Variants in C4orf33 observed in about 807,000 individuals in gnomAD.
C4orf33 encodes chromosome 4 open reading frame 33.
In C4orf33, 20 loss-of-function variants were observed where a neutral mutation model predicts 24.3. The observed-to-expected ratio is 0.82, with a 90% CI of 0.58 to 1.19. The LOEUF (loss-of-function observed/expected upper bound fraction) is 1.19. Ranked by LOEUF, C4orf33 falls within the 50% of genes most tolerant of loss-of-function variation. The pLI, the probability that C4orf33 is intolerant of heterozygous loss-of-function variation, is 0.00. For synonymous variants in C4orf33, 67 were observed against 76.4 expected, an observed-to-expected ratio of 0.88 and a Z score of 0.64; for missense variants, 207 against 225.9, an observed-to-expected ratio of 0.92 and a Z score of 0.54.
At position 129,115,816 on chromosome 4, in the gene C4orf33, A is replaced by ATATATATAATATATATGTTTATATAT. The variant is rs1235269867; in HGVS notation, c.*4033_*4034insATATATATGTTTATATATTATATATA. On this transcript the variant is annotated 3_prime_UTR_variant, in exon 6 of 6. Coordinates refer to ENST00000425929, the MANE Select transcript of C4orf33 (RefSeq NM_001099783.2). Reference sequence around the variant, plus strand: ...CTTCTAACTAAATATATATATATATATATATATATATATAAAATATATATG... The same window carrying ATATATATAATATATATGTTTATATAT: ...CTTCTAACTAAATATATATATATATATATATATAATATATATGTTTATATATTATATATATATATAAAATATATATG... 6.3e-4 allele frequency: 80 copies of ATATATATAATATATATGTTTATATAT among 127,956 alleles called. No individual in the cohort carries two copies. The highest frequency in any genetic ancestry group is 2.2e-3 in the African/African-American group (76 of 34,680). 7.9% of individuals were successfully genotyped at this position (127,956 alleles called of 1,614,324 possible).
chr4:129,103,114 GGT>G (rs1753412290), intron 2 of C4orf33: 1 of 168,676 alleles, frequency 5.9e-6, no homozygotes, highest in Non-Finnish European at 1.3e-5. Context: ...CCACGTCCTG[GGT>G]TCATGCCATT....
chr4:129,107,580 G>A (rs149154776), intron 3 of C4orf33, among the ~76,000 whole-genome samples: 97 of 151,948 alleles, frequency 6.4e-4, no homozygotes, highest in African/African-American at 2.2e-3. Flanking sequence ...ATGTAGAAAA[G>A]TCTAGCTGTT....
rs1561095026 is a variant in C4orf33 at position 129,115,823 on chromosome 4, T to TAATATATATATGTTTATATATAAC, written c.*4033_*4034insATATATATATGTTTATATATAACA. ...CTAAATATATATATATATATATATA[T>TAATATATATATGTTTATATATAAC]ATATATAAAATATATATGTTTATAT... On this transcript the variant is annotated 3_prime_UTR_variant, in exon 6 of 6. Transcript: ENST00000425929. 1.1e-5 allele frequency: 1 copy of TAATATATATATGTTTATATATAAC among 89,084 alleles called. No individual in the cohort carries two copies. Among genetic ancestry groups the TAATATATATATGTTTATATATAAC allele is most frequent in the African/African-American group, 4.1e-5 (1 of 24,140 alleles). 5.5% of individuals were successfully genotyped at this position (89,084 alleles called of 1,614,324 possible).
chr4:129,100,157 C>A (rs1245878613), intron 1 of C4orf33, among the ~76,000 whole-genome samples: 2 of 152,104 alleles, frequency 1.3e-5, no homozygotes, highest in Non-Finnish European at 2.9e-5. Flanking sequence ...TAATTCTTAA[C>A]AATGGTAACT....
chr4:129,095,425 G>T (rs1223018946), upstream of C4orf33, among the ~76,000 whole-genome samples: 2 of 152,160 alleles, frequency 1.3e-5, no homozygotes. Flanking sequence ...AGGAATGAAA[G>T]AATTCAGTGG....
upstream of C4orf33, among the ~76,000 whole-genome samples, chr4:129,095,617 T>C (rs2125796920): frequency 6.6e-6 from 1 of 152,288 alleles, no homozygotes; most frequent in South Asian, 2.1e-4. Context: ...CTAACATTCA[T>C]TTGGTTGATC....
rs1033446074 is a variant in C4orf33, at chr4:129,102,527, A to C, written c.-9-75A>C. 2.5e-6 allele frequency: 3 copies of C among 1,189,868 alleles called. No homozygotes were observed. The African/African-American group carries it at 4.6e-5, about 18-fold the overall frequency. The allele number at this position is 1,189,868 out of a possible 1,614,324, so 73.7% of individuals were successfully genotyped here. A position where few individuals can be genotyped will look rare whatever the true frequency, so the allele number is the denominator to read the frequency against. ...TTCCCGTCTGCTGTTTGGCATTGAA[A>C]TTTTCATTTCATTTCCAACTAAAGA... On this transcript the variant is annotated intron_variant, in intron 1 of 5. Coordinates refer to ENST00000425929, the MANE Select transcript of C4orf33 (RefSeq NM_001099783.2).
rs1353507959 is a variant in C4orf33, at chr4:129,115,632, T to G, written c.*3841T>G. The G allele has an allele frequency of 1.3e-5, 2 of 151,990 alleles. No individual in the cohort carries two copies. Among genetic ancestry groups the G allele is most frequent in the African/African-American group, 2.4e-5 (1 of 41,386 alleles). The allele number at this position is 151,990 out of a possible 1,614,324, so 9.4% of individuals were successfully genotyped here. Reference sequence around the variant, plus strand: ...TCAGCTTAAAAATGCAATCTTAGATTGGCTTGCTTTATTTAATTTTTCCAA... The same window carrying G: ...TCAGCTTAAAAATGCAATCTTAGATGGGCTTGCTTTATTTAATTTTTCCAA... On this transcript the variant is annotated 3_prime_UTR_variant, in exon 6 of 6. Coordinates refer to ENST00000425929, the MANE Select transcript of C4orf33 (RefSeq NM_001099783.2).
rs749489322 is a variant in C4orf33 at position 129,114,774 on chromosome 4, C to T, written c.*2983C>T. ...AAGCCATCTAGTCATAATGACTCTT[C>T]GTGTCAACTGTTCAGCAGGCAAATA... On this transcript the variant is annotated 3_prime_UTR_variant, in exon 6 of 6. Coordinates refer to ENST00000425929, the MANE Select transcript of C4orf33 (RefSeq NM_001099783.2). 7 of 152,208 alleles carry T rather than the reference C, an allele frequency of 4.6e-5. No individual in the cohort carries two copies. The highest frequency in any genetic ancestry group is 1.9e-4 in the East Asian group (1 of 5,194). 9.4% of individuals were successfully genotyped at this position (152,208 alleles called of 1,614,324 possible).
chr4:129,110,023 G>A (rs758771914), intron 5 of C4orf33: 304 of 1,057,938 alleles, frequency 2.9e-4, no homozygotes, highest in Non-Finnish European at 3.4e-4. Flanking sequence ...GTGTTTCCTG[G>A]TGTGAACAAA....
chr4:129,105,019 AGAGT>A (rs1237370690), intron 2 of C4orf33, among the ~76,000 whole-genome samples: 1 of 151,966 alleles, frequency 6.6e-6, no homozygotes, highest in Non-Finnish European at 1.5e-5. Flanking sequence ...AGTGAGAGAG[AGAGT>A]ATGTGTGCTT....
Position 129,113,668 on chromosome 4 carries a change from T to C in C4orf33, c.*1877T>C, listed in dbSNP as rs1753732235. 1 of 152,234 alleles carries C rather than the reference T, an allele frequency of 6.6e-6. No individual in the cohort carries two copies. The highest frequency in any genetic ancestry group is 2.4e-5 in the African/African-American group (1 of 41,468). The allele number at this position is 152,234 out of a possible 1,614,324, so 9.4% of individuals were successfully genotyped here. On this transcript the variant is annotated 3_prime_UTR_variant, in exon 6 of 6. Transcript: ENST00000425929. ...TATTCAGGTGCATTCTCATGCTTTT[T>C]CCCAGCTCCAGGAAAGTGTAAGTCA...
At chr4:129,098,584 C>T (rs1029648918) in intron 1 of C4orf33, among the ~76,000 whole-genome samples, 1 of 152,132 alleles carries the variant, frequency 6.6e-6, no homozygotes, top group Admixed American at 6.5e-5. Flanking sequence ...GGGCTCAGCC[C>T]AGGAGAGTTC....
rs1204484223 is a variant in C4orf33 at position 129,112,190 on chromosome 4, T to C, written c.*399T>C. 1.9e-5 allele frequency: 3 copies of C among 154,662 alleles called. No individual in the cohort carries two copies. Among genetic ancestry groups the C allele is most frequent in the African/African-American group, 4.8e-5 (2 of 41,512 alleles). 9.6% of individuals were successfully genotyped at this position (154,662 alleles called of 1,614,324 possible). A position where few individuals can be genotyped will look rare whatever the true frequency, so the allele number is the denominator to read the frequency against. On this transcript the variant is annotated 3_prime_UTR_variant, in exon 6 of 6. Coordinates refer to ENST00000425929, the MANE Select transcript of C4orf33 (RefSeq NM_001099783.2). Reference sequence around the variant, plus strand: ...TATACCCCAGAAAAATGACTGCTCATAGCAGCTTTATTCATAATAGCACAA... The same window carrying C: ...TATACCCCAGAAAAATGACTGCTCACAGCAGCTTTATTCATAATAGCACAA...
chr4:129,105,242 G>A (rs1477264312), intron 2 of C4orf33, among the ~76,000 whole-genome samples: 1 of 152,116 alleles, frequency 6.6e-6, no homozygotes, highest in Non-Finnish European at 1.5e-5. Context: ...AAGGCTGTCT[G>A]CTGGTAGAAT....
intron 2 of C4orf33, 65 bp downstream of exon 2, chr4:129,102,856 A>G: frequency 7.0e-7 from 1 of 1,425,804 alleles, no homozygotes; most frequent in South Asian, 1.3e-5. Flanking sequence ...TCACAGAACT[A>G]TTATTTTATC....
At chr4:129,094,601 C>T (rs865785464), upstream of C4orf33, among the ~76,000 whole-genome samples, 11 of 152,294 alleles carry the variant, frequency 7.2e-5, no homozygotes, top group African/African-American at 2.6e-4. Flanking sequence ...GAAGGCCTTA[C>T]TCAATACTCA....
Position 129,116,384 on chromosome 4 carries a change from A to C in C4orf33, c.*4593A>C, listed in dbSNP as rs577153494. 27 of 152,196 alleles carry C rather than the reference A, an allele frequency of 1.8e-4. No homozygotes were observed. The highest frequency in any genetic ancestry group is 6.8e-3 in the Middle Eastern group (2 of 294). 9.4% of individuals were successfully genotyped at this position (152,196 alleles called of 1,614,324 possible). ...GTGTTCTGTAAATTTTTTACTTTGC[A>C]CTCTTGAAAAATTCGCAGAGAATGC... On this transcript the variant is annotated 3_prime_UTR_variant, in exon 6 of 6. Coordinates refer to ENST00000425929, the MANE Select transcript of C4orf33 (RefSeq NM_001099783.2).
At chr4:129,104,619 CTTGATTT>C (rs1244012041) in intron 2 of C4orf33, among the ~76,000 whole-genome samples, 1 of 152,144 alleles carries the variant, frequency 6.6e-6, no homozygotes, top group East Asian at 1.9e-4. Context: ...ATTGTGTACC[CTTGATTT>C]TACTGTTTTC....
Sources: allele counts gnomAD v4.1 joint callset (sites outside exome capture counted in the v4.1 genomes callset), GRCh38; gene constraint gnomAD v4.1.1; transcripts MANE v1.5; gene names NCBI Gene and HGNC (gene_info 2026-07-23, HGNC 2026-07-21).